RASGEF1B: variants seen among roughly 807,000 people sequenced by gnomAD.
RASGEF1B encodes ras-GEF domain-containing family member 1B.
In RASGEF1B, 30 loss-of-function variants were observed where a neutral mutation model predicts 65.7. The observed-to-expected ratio is 0.46, with a 90% CI of 0.34 to 0.62. RASGEF1B has a LOEUF of 0.62. Ranked by LOEUF, RASGEF1B falls within the 20% of genes least tolerant of loss-of-function variation. The pLI, the probability that RASGEF1B is intolerant of heterozygous loss-of-function variation, is 0.01. For synonymous variants in RASGEF1B, 175 were observed against 194.8 expected, an observed-to-expected ratio of 0.90 and a Z score of 0.85; for missense variants, 495 against 580.1, an observed-to-expected ratio of 0.85 and a Z score of 1.51.
At chr4:81,466,555 C>A (rs540179482) in intron 1 of RASGEF1B, among the ~76,000 whole-genome samples, 7 of 151,838 alleles carry the variant, frequency 4.6e-5, no homozygotes, top group Non-Finnish European at 8.8e-5. Flanking sequence ...GTCAGCAGAT[C>A]GAGACCATCC....
At chr4:81,434,116 C>T (rs1176167724) in intron 11 of RASGEF1B, among the ~76,000 whole-genome samples, 153 bp from the exon 12 acceptor site, 1 of 152,310 alleles carries the variant, frequency 6.6e-6, no homozygotes, top group East Asian at 1.9e-4. Flanking sequence ...GTGGTGCAAT[C>T]ATAGCTCACT....
chr4:81,449,815 T>G (rs1722185083), intron 4 of RASGEF1B, among the ~76,000 whole-genome samples: 1 of 152,218 alleles, frequency 6.6e-6, no homozygotes, highest in Admixed American at 6.5e-5. Flanking sequence ...AGATATTTGC[T>G]TATGAGGAGA....
At chr4:81,447,810 T>C (rs1483132325) in intron 5 of RASGEF1B, among the ~76,000 whole-genome samples, 1 of 152,154 alleles carries the variant, frequency 6.6e-6, no homozygotes, top group African/African-American at 2.4e-5. Flanking sequence ...AAAAACTGAT[T>C]AGAGGCGGAA....
intron 1 of RASGEF1B, among the ~76,000 whole-genome samples, chr4:81,464,609 C>T (rs928951742): frequency 3.9e-5 from 6 of 152,138 alleles, no homozygotes; most frequent in African/African-American, 1.2e-4. Flanking sequence ...ATCACCACCC[C>T]CAGAGAAATT....
chr4:81,444,087 G>T (rs148806537), intron 8 of RASGEF1B, among the ~76,000 whole-genome samples: 2 of 152,108 alleles, frequency 1.3e-5, no homozygotes, highest in African/African-American at 4.8e-5. Flanking sequence ...GTATCCTCTC[G>T]CATGACAAAT....
At chr4:81,457,645 C>T (rs749500405) in intron 2 of RASGEF1B, 24 bp from the exon 3 acceptor site, 3 of 1,610,772 alleles carry the variant, frequency 1.9e-6, no homozygotes, top group East Asian at 4.5e-5. Context: ...AAAAAGTCAT[C>T]ATCGTTACAT....
intron 13 of RASGEF1B, among the ~76,000 whole-genome samples, chr4:81,430,282 CAGAG>C (rs1018116040): frequency 1.3e-5 from 2 of 152,180 alleles, no homozygotes; most frequent in Admixed American, 6.5e-5. Flanking sequence ...GCCTGGGCGA[CAGAG>C]AGAGACTTCG....
At chr4:81,452,348 G>A (rs558631938) in intron 4 of RASGEF1B, 1 of 152,370 alleles carries the variant, frequency 6.6e-6, no homozygotes, top group East Asian at 1.9e-4. Flanking sequence ...GACTTCAGGT[G>A]ATCTGCCTGC....
intron 1 of RASGEF1B, among the ~76,000 whole-genome samples, chr4:81,466,782 G>GAAAGAAAGAAAGAAA (rs1722839150): frequency 7.3e-6 from 1 of 136,488 alleles, no homozygotes; most frequent in African/African-American, 2.9e-5. Flanking sequence ...AAGAAAGAAA[G>GAAAGAAAGAAAGAAA]AAAGAAAGAA....
Position 81,447,534 on chromosome 4 carries a change from G to C in RASGEF1B, c.699C>G (p.Phe233Leu). 1.9e-6 allele frequency: 3 copies of C among 1,613,896 alleles called. No homozygotes were observed. The highest frequency in any genetic ancestry group is 2.5e-6 in the Non-Finnish European group (3 of 1,179,948). Reference protein sequence around the residue: ...YIGPEEFVQAFVQKDPLDNDK... With the variant: ...YIGPEEFVQALVQKDPLDNDK... ...CATTATCCAAAGGGTCCTTCTGCAC[G>C]AACGCCTGAACAAATTCTTCTGGCC... Residue 233 changes from phenylalanine (F) to leucine (L), a missense_variant, in exon 6 of 14, where the codon TTC becomes TTG. Phe to Leu is a conservative substitution (Grantham distance 22, BLOSUM62 0). Coordinates refer to ENST00000264400, the MANE Select transcript of RASGEF1B (RefSeq NM_152545.3).
chr4:81,441,275 G>A (rs555854079), intron 9 of RASGEF1B, among the ~76,000 whole-genome samples: 1 of 152,230 alleles, frequency 6.6e-6, no homozygotes, highest in South Asian at 2.1e-4. Context: ...CCCGTTGATG[G>A]TTAGCCATGC....
At chr4:81,445,447 T>C (rs766285334) in intron 8 of RASGEF1B, 79 bp downstream of exon 8, 4 of 1,016,364 alleles carry the variant, frequency 3.9e-6, no homozygotes, top group Non-Finnish European at 6.1e-6. Flanking sequence ...AACAAAACCA[T>C]ACTATTTGCA....
At chr4:81,436,174 T>C (rs192120103) in intron 10 of RASGEF1B, among the ~76,000 whole-genome samples, 94 of 152,308 alleles carry the variant, frequency 6.2e-4, no homozygotes, top group Middle Eastern at 6.8e-3. Flanking sequence ...AAACTTTTTT[T>C]TTAGATAAAC....
chr4:81,458,295 A>G (rs374363279), intron 2 of RASGEF1B, among the ~76,000 whole-genome samples: 7 of 152,234 alleles, frequency 4.6e-5, no homozygotes, highest in African/African-American at 7.2e-5. Flanking sequence ...CAGACTCCCA[A>G]TGAAAAGAGA....
chr4:81,434,516 GA>G, intron 11 of RASGEF1B, 122 bp downstream of exon 11: 2 of 692,852 alleles, frequency 2.9e-6, no homozygotes, highest in Non-Finnish European at 5.2e-6. Flanking sequence ...AAATAATATG[GA>G]AAGAGATAAT....
At chr4:81,450,756 G>C (rs1722230146) in intron 4 of RASGEF1B, 1 of 152,132 alleles carries the variant, frequency 6.6e-6, no homozygotes, top group Non-Finnish European at 1.5e-5. Flanking sequence ...AGTTAGTTGG[G>C]GGGAACAGAG....
chr4:81,457,633 GAA>G lies in RASGEF1B; in HGVS notation c.178-14_178-13del, dbSNP rs747743566. 1 of 1,610,010 alleles carries G rather than the reference GAA, an allele frequency of 6.2e-7. No individual in the cohort carries two copies. Among genetic ancestry groups the G allele is most frequent in the Non-Finnish European group, 8.5e-7 (1 of 1,178,766 alleles). ...AATATGTATGTTCTCTGCAGCAACA[GAA>G]AAAAGTCATCATCGTTACATTCTCT... On this transcript the variant is annotated splice_polypyrimidine_tract_variant and intron_variant, in intron 2 of 13. Transcript: ENST00000264400.
chr4:81,430,349 T>G (rs1721385992), intron 13 of RASGEF1B, among the ~76,000 whole-genome samples: 1 of 152,206 alleles, frequency 6.6e-6, no homozygotes, highest in African/African-American at 2.4e-5. Flanking sequence ...CAAGCCTATG[T>G]GCGACCCGAT....
At chr4:81,466,786 G>GAA (rs1350884804) in intron 1 of RASGEF1B, among the ~76,000 whole-genome samples, 1 of 139,942 alleles carries the variant, frequency 7.1e-6, no homozygotes, top group Non-Finnish European at 1.5e-5. Flanking sequence ...AAGAAAGAAA[G>GAA]AAAGAAAGAA....
Sources: allele counts gnomAD v4.1 joint callset (sites outside exome capture counted in the v4.1 genomes callset), GRCh38; gene constraint gnomAD v4.1.1; transcripts MANE v1.5; gene names NCBI Gene and HGNC (gene_info 2026-07-23, HGNC 2026-07-21).